Variants in ST7L observed in about 807,000 individuals in gnomAD.
ST7L encodes suppressor of tumorigenicity 7 protein-like.
A neutral mutation model predicts 72.5 loss-of-function variants in ST7L; 57 were observed. The observed-to-expected ratio is 0.79, with a 90% CI of 0.64 to 0.98. The LOEUF (loss-of-function observed/expected upper bound fraction) is 0.98. Among genes scored for constraint, ST7L ranks in the 50% least tolerant of loss-of-function variants. The pLI, the probability that ST7L is intolerant of heterozygous loss-of-function variation, is 0.00. For missense variants in ST7L, 576 were observed against 672.2 expected (o/e 0.86, Z 1.58); for synonymous variants, 221 against 240.9 (o/e 0.92, Z 0.77).
intron 2 of ST7L, among the ~76,000 whole-genome samples, chr1:112,612,959 C>T (rs1669299888): frequency 6.6e-6 from 1 of 151,302 alleles, no homozygotes; most frequent in African/African-American, 2.4e-5. Context: ...CTCTACAAAA[C>T]ATAAAAAAAA....
chr1:112,576,820 T>C (rs11102498), intron 11 of ST7L, among the ~76,000 whole-genome samples, 166 bp downstream of exon 11: 31,431 of 152,170 alleles, frequency 0.21, 3,782 homozygotes, highest in East Asian at 0.46. Flanking sequence ...CCTTTCTAAA[T>C]GCCTAAATGT....
rs1370381311 is a variant in ST7L at position 112,591,617 on chromosome 1, T to A, written c.623-14A>T. On this transcript the variant is annotated splice_polypyrimidine_tract_variant and intron_variant, in intron 5 of 14. Coordinates refer to ENST00000358039, the MANE Select transcript of ST7L (RefSeq NM_017744.5). The stretch of plus-strand genomic sequence containing the variant: ...CCTTCTGCATAACTGTAGAAAAAAA[T>A]TCCATAAAATAGATGAGATGGTAAA... The A allele has an allele frequency of 6.3e-7, 1 of 1,599,356 alleles. No homozygotes were observed. Among genetic ancestry groups the A allele is most frequent in the Admixed American group, 1.8e-5 (1 of 56,956 alleles).
chr1:112,520,575 A>G (rs962178775), downstream of ST7L: 6 of 1,515,436 alleles, frequency 4.0e-6, no homozygotes, highest in African/African-American at 8.3e-5. Context: ...AGATCCTTGC[A>G]TGCACACCTT....
At position 112,584,101 on chromosome 1, in the gene ST7L, C is replaced by T; in HGVS notation, c.727G>A (p.Ala243Thr). 1 of 1,613,736 alleles carries T rather than the reference C, an allele frequency of 6.2e-7. No homozygotes were observed. The highest frequency in any genetic ancestry group is 8.5e-7 in the Non-Finnish European group (1 of 1,179,920). ...ACAATAGTTGTTGCTTCTTCCTCAG[C>T]CAGTAGAACATATGCAGTGGCACAG... ...NDCATAYVLL[A>T]EEEATTIVDA... The change falls in exon 7 of 15, where the codon GCT becomes ACT. Residue 243 changes from alanine to threonine, a missense_variant. Transcript: ENST00000358039.
In ST7L at chr1:112,523,622, T is replaced by C. The variant is rs1378563487; in HGVS notation, c.*2391A>G. 1.3e-5 allele frequency: 2 copies of C among 152,210 alleles called. No individual in the cohort carries two copies. Among genetic ancestry groups the C allele is most frequent in the Non-Finnish European group, 2.9e-5 (2 of 68,048 alleles). 9.4% of individuals were successfully genotyped at this position (152,210 alleles called of 1,614,324 possible). A position where few individuals can be genotyped will look rare whatever the true frequency, so the allele number is the denominator to read the frequency against. On this transcript the variant is annotated 3_prime_UTR_variant, in exon 15 of 15. Coordinates refer to ENST00000358039, the MANE Select transcript of ST7L (RefSeq NM_017744.5). ...CCCCTTCTCCCAGCCCTCTTCTATT[T>C]GATAGAGGTCTGTCCCTCAGATCAG... is the stretch of plus-strand genomic sequence containing the variant.
At chr1:112,584,346 TTTG>T (rs1380152734) in intron 6 of ST7L, among the ~76,000 whole-genome samples, 2 of 145,184 alleles carry the variant, frequency 1.4e-5, no homozygotes, top group African/African-American at 2.5e-5. Flanking sequence ...TTCCCTTCTC[TTTG>T]TTTTTTAAAA....
At chr1:112,578,126 A>G (rs976992138) in intron 10 of ST7L, among the ~76,000 whole-genome samples, 11 of 152,314 alleles carry the variant, frequency 7.2e-5, no homozygotes, top group East Asian at 3.9e-4. Flanking sequence ...CTACAGTCCT[A>G]TAGCTAAAAT....
intron 10 of ST7L, 145 bp downstream of exon 10, chr1:112,578,200 G>A: frequency 1.3e-6 from 1 of 751,566 alleles, no homozygotes; most frequent in Non-Finnish European, 2.2e-6. Flanking sequence ...ACTACACACA[G>A]CAAGAAGCCT....
At chr1:112,520,845 C>T (rs547074897), downstream of ST7L, 10 of 290,758 alleles carry the variant, frequency 3.4e-5, no homozygotes, top group South Asian at 4.8e-4. Context: ...ACCAGCTTCC[C>T]GATACTTCTT....
intron 11 of ST7L, among the ~76,000 whole-genome samples, chr1:112,562,068 G>A (rs1031940270): frequency 1.3e-5 from 2 of 151,308 alleles, no homozygotes; most frequent in Non-Finnish European, 2.9e-5. Context: ...CTGGGCTCAA[G>A]CAATCCTCCT....
chr1:112,588,570 G>A (rs1288964291), intron 6 of ST7L, among the ~76,000 whole-genome samples: 1 of 152,154 alleles, frequency 6.6e-6, no homozygotes, highest in African/African-American at 2.4e-5. Flanking sequence ...CTAATGTGGA[G>A]TATTACATTA....
At chr1:112,540,044 G>A (rs1346400313) in intron 14 of ST7L, 4 of 985,306 alleles carry the variant, frequency 4.1e-6, no homozygotes, top group East Asian at 2.3e-4. Context: ...GAGTGCTAAG[G>A]AACTTATGCT....
At chr1:112,519,872 C>CTTCTTCT (rs10634267), downstream of ST7L, among the ~76,000 whole-genome samples, 2 of 115,650 alleles carry the variant, frequency 1.7e-5, no homozygotes, top group African/African-American at 6.3e-5. Flanking sequence ...GCCCATGCTT[C>CTTCTTCT]TTTTTTTTTT....
intron 13 of ST7L, among the ~76,000 whole-genome samples, chr1:112,545,994 C>G (rs1284258943): frequency 6.6e-6 from 1 of 152,064 alleles, no homozygotes; most frequent in Non-Finnish European, 1.5e-5. Context: ...GGAATAAACA[C>G]CTGGATAAAT....
At chr1:112,582,287 T>C (rs1664244235) in intron 8 of ST7L, 88 bp downstream of exon 8, 2 of 1,021,340 alleles carry the variant, frequency 2.0e-6, no homozygotes, top group African/African-American at 1.6e-5. Context: ...TAAAATACAA[T>C]GATTCTGCAT....
At chr1:112,583,936 C>G (rs1215835115) in intron 7 of ST7L, 36 bp downstream of exon 7, 2 of 1,590,566 alleles carry the variant, frequency 1.3e-6, no homozygotes, top group African/African-American at 1.4e-5. Flanking sequence ...ATTACAGATG[C>G]TAAAAGACAG....
Position 112,524,124 on chromosome 1 carries a change from G to C in ST7L, c.*1889C>G, listed in dbSNP as rs1230767382. ...CTTCATTTCTATTCCTCCTGTTGCA[G>C]GGAGTAATTTCTTCTCCTTTGTCTC... On this transcript the variant is annotated 3_prime_UTR_variant, in exon 15 of 15. Coordinates refer to ENST00000358039, the MANE Select transcript of ST7L (RefSeq NM_017744.5). 2 of 152,536 alleles carry C rather than the reference G, an allele frequency of 1.3e-5. No individual in the cohort carries two copies. The highest frequency in any genetic ancestry group is 2.9e-5 in the Non-Finnish European group (2 of 68,036). The allele number at this position is 152,536 out of a possible 1,614,324, so 9.4% of individuals were successfully genotyped here.
At position 112,616,709 on chromosome 1, in the gene ST7L, C is replaced by T. The variant is rs1157137347; in HGVS notation, c.288+104G>A. The T allele has an allele frequency of 7.8e-6, 6 of 765,636 alleles. No individual in the cohort carries two copies. In the East Asian group the frequency reaches 1.6e-4, roughly 21 times the overall value. 47.4% of individuals were successfully genotyped at this position (765,636 alleles called of 1,614,324 possible). A position where few individuals can be genotyped will look rare whatever the true frequency, so the allele number is the denominator to read the frequency against. Reference sequence around the variant, plus strand: ...AGTGAGCCGAGATCATGCCACTGCACTCCAGCCTGGGCGACAGAGCAAGAC... The same window carrying T: ...AGTGAGCCGAGATCATGCCACTGCATTCCAGCCTGGGCGACAGAGCAAGAC... On this transcript the variant is annotated intron_variant, in intron 2 of 14. Transcript: ENST00000358039.
intron 11 of ST7L, among the ~76,000 whole-genome samples, chr1:112,567,117 A>T (rs1661182103): frequency 6.6e-6 from 1 of 152,196 alleles, no homozygotes; most frequent in Non-Finnish European, 1.5e-5. Context: ...TTGACATTTT[A>T]TCAGTCTTTT....
Sources: gnomAD v4.1 joint callset for allele counts (sites outside exome capture counted in the v4.1 genomes callset) on GRCh38, gnomAD v4.1.1 for gene constraint, MANE v1.5 for transcripts, NCBI Gene and HGNC (gene_info 2026-07-23, HGNC 2026-07-21) for gene names.